NRG1: variants seen among roughly 807,000 people sequenced by gnomAD.
NRG1 encodes neuregulin 1.
NRG1 carries 18 observed loss-of-function variants against 63.8 expected under a neutral mutation model. The ratio of observed to expected loss-of-function variants is 0.28; its 90% CI spans 0.19 to 0.42. NRG1 has a LOEUF of 0.42. NRG1 is among the 10% of genes least tolerant of loss of function. The probability of loss-of-function intolerance (pLI) is 1.00; values close to 1 mark genes in which losing one functional copy is unlikely to be tolerated. For missense variants in NRG1, 762 were observed against 814.7 expected (o/e 0.94, Z 0.79); for synonymous variants, 302 against 301.3 (o/e 1.00, Z -0.02).
Position 32,032,453 on chromosome 8 carries a change from A to C in NRG1, c.37+393022A>C, listed in dbSNP as rs557695468. ...TACTTTTTTCGTATTTTTAGTAGAG[A>C]TGGGGTTTCACCATATTAGCTAGGC... On this transcript the variant is annotated intron_variant, in intron 1 of 10. Coordinates refer to the NRG1 transcript ENST00000519301. 4.6e-5 allele frequency among the ~76,000 whole-genome samples: 7 copies of C among 152,092 alleles called. No individual in the cohort carries two copies. The East Asian group carries it at 1.4e-3, about 29-fold the overall frequency.
intron 1 of NRG1, among the ~76,000 whole-genome samples, chr8:31,994,248 G>A (rs1459641690): frequency 6.6e-6 from 1 of 151,932 alleles, no homozygotes; most frequent in Admixed American, 6.6e-5. Context: ...TGTAAAGAAG[G>A]AACCCAATGG....
At chr8:32,624,889 GT>G (rs533828570) in intron 5 of NRG1, among the ~76,000 whole-genome samples, 5 of 152,108 alleles carry the variant, frequency 3.3e-5, no homozygotes, top group Non-Finnish European at 7.4e-5. Flanking sequence ...AAAATTCCTA[GT>G]TTCTTTTACC....
chr8:32,250,522 C>A (rs972111621), intron 1 of NRG1, among the ~76,000 whole-genome samples: 2 of 150,716 alleles, frequency 1.3e-5, no homozygotes, highest in Non-Finnish European at 2.9e-5. Context: ...GACACTGATA[C>A]CTTCTAGTCT....
chr8:32,746,058 G>GAAC (rs773102879), intron 7 of NRG1, among the ~76,000 whole-genome samples: 1 of 152,046 alleles, frequency 6.6e-6, no homozygotes, highest in Non-Finnish European at 1.5e-5. Flanking sequence ...TAGAATAGAG[G>GAAC]AACACTTCAC....
At chr8:31,993,111 T>G (rs1267893143) in intron 1 of NRG1, among the ~76,000 whole-genome samples, 1 of 151,960 alleles carries the variant, frequency 6.6e-6, no homozygotes, top group Non-Finnish European at 1.5e-5. Flanking sequence ...AAAGCTAAAA[T>G]TGAATGAGTT....
At chr8:31,732,697 CCTGGCTGGT>C in intron 1 of NRG1, among the ~76,000 whole-genome samples, 1 of 152,170 alleles carries the variant, frequency 6.6e-6, no homozygotes, top group Middle Eastern at 3.4e-3. Flanking sequence ...TCAAAACCAG[CCTGGCTGGT>C]CAACATGGTG....
intron 8 of NRG1, 46 bp downstream of exon 8, chr8:32,754,520 C>G (rs1159624294): frequency 6.4e-7 from 1 of 1,551,830 alleles, no homozygotes; most frequent in African/African-American, 1.4e-5. Context: ...CATGCAGAGA[C>G]AGCTTAGATG....
chr8:31,940,149 G>A (rs1288505456), intron 1 of NRG1, among the ~76,000 whole-genome samples: 1 of 152,082 alleles, frequency 6.6e-6, no homozygotes, highest in Admixed American at 6.5e-5. Context: ...CATATGATAG[G>A]CCACAAAACA....
At chr8:31,801,843 C>G (rs181313703) in intron 1 of NRG1, among the ~76,000 whole-genome samples, 2 of 152,270 alleles carry the variant, frequency 1.3e-5, no homozygotes, top group East Asian at 3.9e-4. Flanking sequence ...GATTTGCATG[C>G]CATTAGCAGG....
chr8:32,077,282 G>T (rs879479268), intron 1 of NRG1, among the ~76,000 whole-genome samples: 3 of 152,092 alleles, frequency 2.0e-5, no homozygotes, highest in Non-Finnish European at 4.4e-5. Flanking sequence ...CAGGAGAATC[G>T]CTGGAACCCG....
chr8:32,171,250 A>T (rs1005634597), intron 1 of NRG1: 5 of 152,206 alleles, frequency 3.3e-5, no homozygotes, highest in African/African-American at 1.2e-4. Flanking sequence ...TTTTAATTTT[A>T]AGTTCTGGGA....
At chr8:31,712,870 G>A (rs571693638) in intron 1 of NRG1, among the ~76,000 whole-genome samples, 2 of 152,064 alleles carry the variant, frequency 1.3e-5, no homozygotes, top group East Asian at 3.9e-4. Flanking sequence ...CTCATTAGGT[G>A]GTTCCACAGA....
chr8:31,936,842 A>G (rs568664374), intron 1 of NRG1, among the ~76,000 whole-genome samples: 4 of 152,072 alleles, frequency 2.6e-5, no homozygotes, highest in Non-Finnish European at 5.9e-5. Flanking sequence ...ATTGAAATGC[A>G]TGTCATAAGA....
At chr8:32,406,958 A>C (rs954037338) in intron 1 of NRG1, among the ~76,000 whole-genome samples, 36 of 152,170 alleles carry the variant, frequency 2.4e-4, no homozygotes, top group Admixed American at 8.5e-4. Flanking sequence ...AGTTTAGTGT[A>C]AACTCAACTT....
At chr8:31,892,445 A>C (rs1831228270) in intron 1 of NRG1, among the ~76,000 whole-genome samples, 1 of 152,118 alleles carries the variant, frequency 6.6e-6, no homozygotes, top group Non-Finnish European at 1.5e-5. Flanking sequence ...ATCTCCGCAG[A>C]TAAATTGGTA....
intron 1 of NRG1, among the ~76,000 whole-genome samples, chr8:32,526,755 C>A (rs766201009): frequency 6.6e-6 from 1 of 152,166 alleles, no homozygotes; most frequent in East Asian, 1.9e-4. Context: ...CTGACATATT[C>A]TCTTCCTGAG....
chr8:31,841,537 A>C (rs540134744), intron 1 of NRG1, among the ~76,000 whole-genome samples: 1 of 152,200 alleles, frequency 6.6e-6, no homozygotes, highest in Admixed American at 6.6e-5. Flanking sequence ...TAAAGTGTGC[A>C]ATCCACAGAT....
At chr8:32,216,581 CA>C (rs1403843142) in intron 1 of NRG1, among the ~76,000 whole-genome samples, 2 of 149,732 alleles carry the variant, frequency 1.3e-5, no homozygotes, top group Non-Finnish European at 3.0e-5. Context: ...ATTACCATTC[CA>C]AACCAACTTT....
intron 1 of NRG1, among the ~76,000 whole-genome samples, chr8:32,202,139 T>A (rs1399241500): frequency 6.6e-6 from 1 of 152,180 alleles, no homozygotes; most frequent in East Asian, 1.9e-4. Flanking sequence ...TTATTTTTAT[T>A]TATAATATGG....
Sources: allele counts gnomAD v4.1 joint callset (sites outside exome capture counted in the v4.1 genomes callset), GRCh38; gene constraint gnomAD v4.1.1; transcripts MANE v1.5; gene names NCBI Gene and HGNC (gene_info 2026-07-23, HGNC 2026-07-21).